CYRIA: variants seen among roughly 807,000 people sequenced by gnomAD.
The protein encoded by CYRIA is CYFIP-related Rac1 interactor A.
Under a neutral mutation model 43.9 loss-of-function variants are expected in CYRIA, and 15 were observed. The ratio of observed to expected loss-of-function variants is 0.34; its 90% confidence interval spans 0.23 to 0.53. The LOEUF (loss-of-function observed/expected upper bound fraction) is 0.53. Ranked by LOEUF, CYRIA falls within the 20% of genes least tolerant of loss-of-function variation. The pLI is 0.94. For missense variants in CYRIA, 236 were observed against 394.2 expected, an observed-to-expected ratio of 0.60 and a Z score of 3.40; for synonymous variants, 117 against 136.0, an observed-to-expected ratio of 0.86 and a Z score of 0.97.
chr2:16,632,647 G>A (rs1669363568), intron 1 of CYRIA, among the ~76,000 whole-genome samples: 1 of 152,152 alleles, frequency 6.6e-6, no homozygotes, highest in African/African-American at 2.4e-5. Flanking sequence ...CAGGCACGGG[G>A]GAAAATGAAA....
chr2:16,580,944 A>G (rs1419908908), intron 3 of CYRIA, among the ~76,000 whole-genome samples: 1 of 152,202 alleles, frequency 6.6e-6, no homozygotes, highest in Non-Finnish European at 1.5e-5. Context: ...CAACATATGC[A>G]AAAATTAGTT....
intron 3 of CYRIA, among the ~76,000 whole-genome samples, chr2:16,577,140 T>C (rs1667380433): frequency 1.3e-5 from 2 of 152,258 alleles, no homozygotes; most frequent in African/African-American, 4.8e-5. Context: ...ACTTAAAATC[T>C]GATCAGAGGG....
chr2:16,663,024 C>G (rs1388354741), intron 1 of CYRIA, among the ~76,000 whole-genome samples: 2 of 152,232 alleles, frequency 1.3e-5, no homozygotes, highest in Non-Finnish European at 2.9e-5. Flanking sequence ...GATTCAACAT[C>G]AAGGCTGGGC....
At chr2:16,662,293 G>A (rs374421124) in intron 1 of CYRIA, among the ~76,000 whole-genome samples, 3 of 152,310 alleles carry the variant, frequency 2.0e-5, no homozygotes, top group South Asian at 2.1e-4. Flanking sequence ...AACTGAGAAC[G>A]CTTTTCTAAT....
chr2:16,601,876 G>T (rs1255767533), intron 2 of CYRIA, among the ~76,000 whole-genome samples: 1 of 152,182 alleles, frequency 6.6e-6, no homozygotes, highest in Non-Finnish European at 1.5e-5. Flanking sequence ...AAGTGACTGT[G>T]GTTTATGGAG....
intron 3 of CYRIA, among the ~76,000 whole-genome samples, chr2:16,584,222 C>G (rs1319092985): frequency 6.6e-6 from 1 of 152,154 alleles, no homozygotes; most frequent in African/African-American, 2.4e-5. Flanking sequence ...AAGCTTCATT[C>G]TTCTTGACAG....
At chr2:16,662,808 T>C (rs756531763) in intron 1 of CYRIA, among the ~76,000 whole-genome samples, 3 of 152,222 alleles carry the variant, frequency 2.0e-5, no homozygotes, top group Non-Finnish European at 4.4e-5. Context: ...GGTGACCTAG[T>C]CAAGTGGCCA....
chr2:16,610,147 T>C (rs569896035), intron 2 of CYRIA, among the ~76,000 whole-genome samples: 10 of 152,354 alleles, frequency 6.6e-5, no homozygotes, highest in African/African-American at 1.9e-4. Context: ...TTGTGCTAAA[T>C]ACATATAGTG....
intron 1 of CYRIA, among the ~76,000 whole-genome samples, chr2:16,640,825 C>G (rs1669655093): frequency 6.7e-6 from 1 of 149,500 alleles, no homozygotes; most frequent in Non-Finnish European, 1.5e-5. Flanking sequence ...CTATGTTAAT[C>G]ACAGAGTTCC....
chr2:16,654,347 A>AAT (rs1670047838), intron 1 of CYRIA, among the ~76,000 whole-genome samples: 1 of 152,226 alleles, frequency 6.6e-6, no homozygotes, highest in Non-Finnish European at 1.5e-5. Flanking sequence ...GTTAAGTAGA[A>AAT]ATACCATATA....
chr2:16,642,542 A>C (rs142742565), intron 1 of CYRIA, among the ~76,000 whole-genome samples: 59 of 152,252 alleles, frequency 3.9e-4, no homozygotes, highest in African/African-American at 1.3e-3. Context: ...TTTTCTTGCC[A>C]TAGAGTGGCC....
intron 3 of CYRIA, among the ~76,000 whole-genome samples, chr2:16,566,502 G>A (rs370157261): frequency 1.3e-5 from 2 of 152,186 alleles, no homozygotes; most frequent in African/African-American, 4.8e-5. Flanking sequence ...GGTATGTAGA[G>A]AGCACTTCTC....
chr2:16,656,573 T>C (rs903261038), intron 1 of CYRIA, among the ~76,000 whole-genome samples: 7 of 152,088 alleles, frequency 4.6e-5, no homozygotes, highest in Non-Finnish European at 7.4e-5. Context: ...TGGTTGTGAG[T>C]GGGTGAGACC....
chr2:16,585,280 T>C (rs1667690726), intron 3 of CYRIA, among the ~76,000 whole-genome samples: 3 of 152,144 alleles, frequency 2.0e-5, no homozygotes, highest in Admixed American at 2.0e-4. Flanking sequence ...GATGTCCCTC[T>C]CTGGTCAGGG....
chr2:16,577,221 T>A (rs1667383988), intron 3 of CYRIA, among the ~76,000 whole-genome samples: 1 of 152,144 alleles, frequency 6.6e-6, no homozygotes, highest in Non-Finnish European at 1.5e-5. Flanking sequence ...TTTTGTGAAT[T>A]CATTTCAATT....
At chr2:16,558,764 G>A (rs1477687629) in intron 10 of CYRIA, among the ~76,000 whole-genome samples, 1 of 152,134 alleles carries the variant, frequency 6.6e-6, no homozygotes, top group East Asian at 1.9e-4. Flanking sequence ...GAGCAGACAT[G>A]AGGTATATAG....
chr2:16,635,341 T>A (rs971943), intron 1 of CYRIA, among the ~76,000 whole-genome samples: 3,413 of 152,232 alleles, frequency 0.022, 124 homozygotes, highest in African/African-American at 0.077. Context: ...CACATCAGCA[T>A]GCACAAGGAA....
At chr2:16,561,608 C>T in intron 6 of CYRIA, 75 bp from the exon 7 acceptor site, 1 of 1,141,464 alleles carries the variant, frequency 8.8e-7, no homozygotes, top group Non-Finnish European at 1.3e-6. Context: ...GGAGCCCAGA[C>T]ACTAGATTTT....
intron 10 of CYRIA, 117 bp downstream of exon 10, chr2:16,559,343 G>T: frequency 8.2e-7 from 1 of 1,223,074 alleles, no homozygotes; most frequent in Non-Finnish European, 1.1e-6. Context: ...GATGGGCTGT[G>T]CATCTTAGAA....
Sources: allele counts gnomAD v4.1 joint callset (sites outside exome capture counted in the v4.1 genomes callset), GRCh38; gene constraint gnomAD v4.1.1; transcripts MANE v1.5; gene names NCBI Gene and HGNC (gene_info 2026-07-23, HGNC 2026-07-21).